The following CFDP1 variants were observed in gnomAD, a reference collection of about 807,000 sequenced individuals.
The protein encoded by CFDP1 is chromatin remodeling protein CFDP1, also known as heterochromatin-stabilizing protein CFDP1.
CFDP1 carries 31 observed loss-of-function variants against 40.1 expected under a neutral mutation model. That is an observed-to-expected ratio of 0.77 (90% CI 0.58 to 1.04). The LOEUF is 1.04. Among genes scored for constraint, CFDP1 ranks in the 50% least tolerant of loss-of-function variants. The pLI, the probability that CFDP1 is intolerant of heterozygous loss-of-function variation, is 0.00. For missense variants in CFDP1, 423 were observed against 343.4 expected (o/e 1.23, Z -1.83); for synonymous variants, 167 against 120.0 (o/e 1.39, Z -2.56).
At chr16:75,343,070 T>A (rs1033627795) in intron 5 of CFDP1, among the ~76,000 whole-genome samples, 2 of 152,002 alleles carry the variant, frequency 1.3e-5, no homozygotes, top group African/African-American at 4.8e-5. Context: ...ACAACTAGAT[T>A]TAAGGTCAGG....
At chr16:75,384,854 ATATATATATATATATATATAT>A (rs2078880281) in intron 5 of CFDP1, among the ~76,000 whole-genome samples, 8 of 124,860 alleles carry the variant, frequency 6.4e-5, no homozygotes, top group South Asian at 2.4e-4. Flanking sequence ...AACTAAAACT[ATATATATATATATATATATAT>A]ATATATATAT....
At chr16:75,394,146 G>A (rs371725658) in intron 5 of CFDP1, among the ~76,000 whole-genome samples, 1 of 152,146 alleles carries the variant, frequency 6.6e-6, no homozygotes, top group African/African-American at 2.4e-5. Flanking sequence ...CTGACTGAAG[G>A]GCCACAGAAG....
chr16:75,407,429 C>G lies in CFDP1; in HGVS notation c.530+4396G>C, dbSNP rs565255978. 2.6e-4 allele frequency among the ~76,000 whole-genome samples: 39 copies of G among 152,090 alleles called. 2 individuals are homozygous for G. The highest frequency in any genetic ancestry group is 9.2e-4 in the African/African-American group (38 of 41,514). ...TGGTGGCTCATACTTGTAATCCCAG[C>G]ACTTTGGTGGGCCAAGGCAGCAGGA... is the stretch of plus-strand genomic sequence containing the variant. On this transcript the variant is annotated intron_variant, in intron 4 of 6. Coordinates refer to ENST00000283882, the MANE Select transcript of CFDP1 (RefSeq NM_006324.3).
intron 5 of CFDP1, among the ~76,000 whole-genome samples, chr16:75,359,035 T>C (rs1031678508): frequency 2.0e-5 from 3 of 152,214 alleles, no homozygotes; most frequent in Non-Finnish European, 4.4e-5. Context: ...GCTAGTAAAA[T>C]ACTCCTTCCT....
chr16:75,338,457 G>A (rs1275284389), intron 5 of CFDP1, among the ~76,000 whole-genome samples: 1 of 152,192 alleles, frequency 6.6e-6, no homozygotes, highest in Non-Finnish European at 1.5e-5. Flanking sequence ...GAGTACAGAT[G>A]AGCATCTTAA....
intron 4 of CFDP1, among the ~76,000 whole-genome samples, chr16:75,398,908 T>G (rs546829645): frequency 1.3e-5 from 2 of 151,688 alleles, no homozygotes; most frequent in African/African-American, 2.4e-5. Context: ...ACAAAAAAAA[T>G]TAGCCAGGCA....
chr16:75,311,012 C>T (rs1469696930), intron 5 of CFDP1, among the ~76,000 whole-genome samples: 6 of 152,160 alleles, frequency 3.9e-5, no homozygotes, highest in Admixed American at 2.0e-4. Flanking sequence ...GCTTAATTTT[C>T]GGCTTCAAAA....
At chr16:75,411,297 C>A (rs774835328) in intron 4 of CFDP1, among the ~76,000 whole-genome samples, 18 of 151,638 alleles carry the variant, frequency 1.2e-4, no homozygotes, top group Non-Finnish European at 2.4e-4. Flanking sequence ...CCCAGCTACT[C>A]GGGAGGCTGA....
intron 5 of CFDP1, among the ~76,000 whole-genome samples, chr16:75,323,649 C>T (rs1352562089): frequency 7.2e-5 from 11 of 151,904 alleles, no homozygotes; most frequent in Non-Finnish European, 1.5e-4. Context: ...CCTGGTGGAG[C>T]GTGCCTGTAA....
In CFDP1 at chr16:75,347,359, A is replaced by AAAAAAGAAAAAG. The variant is rs796632491; in HGVS notation, c.651-42189_651-42178dup. Among the ~76,000 whole-genome samples, 133 of 53,670 alleles carry AAAAAAGAAAAAG rather than the reference A, an allele frequency of 2.5e-3. 3 individuals carry two copies. The highest frequency in any genetic ancestry group is 0.016 in the Middle Eastern group (1 of 64). 35.2% of individuals were successfully genotyped at this position (53,670 alleles called of 152,430 possible). On this transcript the variant is annotated intron_variant, in intron 5 of 6. Transcript: ENST00000283882. The stretch of plus-strand genomic sequence containing the variant: ...ACTCCATCTCAAAAAAAAAAAAAAA[A>AAAAAAGAAAAAG]AAAAAGAAAAAGAAAAAGAAAAAGA...
chr16:75,378,459 G>T (rs1005406385), intron 5 of CFDP1, among the ~76,000 whole-genome samples: 1 of 152,030 alleles, frequency 6.6e-6, no homozygotes, highest in African/African-American at 2.4e-5. Flanking sequence ...AAAAGGATAA[G>T]AACTAAATTT....
chr16:75,297,343 G>A (rs540407038), intron 6 of CFDP1, among the ~76,000 whole-genome samples: 44 of 152,176 alleles, frequency 2.9e-4, no homozygotes, highest in African/African-American at 1.1e-3. Context: ...CTTCTGACTT[G>A]ACTTTACCTC....
chr16:75,423,046 C>T (rs942036011), intron 1 of CFDP1, among the ~76,000 whole-genome samples: 2 of 151,796 alleles, frequency 1.3e-5, no homozygotes, highest in East Asian at 2.0e-4. Flanking sequence ...TTTGGGAGGC[C>T]GAGGTGGGCG....
chr16:75,426,914 G>A (rs572693399), intron 1 of CFDP1, among the ~76,000 whole-genome samples: 2 of 151,860 alleles, frequency 1.3e-5, no homozygotes, highest in African/African-American at 4.8e-5. Flanking sequence ...AATTAGCTGG[G>A]TGTGGTGGCG....
intron 1 of CFDP1, among the ~76,000 whole-genome samples, chr16:75,428,131 G>GT (rs35270132): frequency 1.3e-3 from 187 of 142,588 alleles, no homozygotes; most frequent in African/African-American, 1.9e-3. Context: ...GGGGAAATTT[G>GT]TTTTTTTTTT....
chr16:75,316,569 TAAAAAAAAAAAAAAAAAAA>T (rs780200659), intron 5 of CFDP1, among the ~76,000 whole-genome samples: 1 of 26,580 alleles, frequency 3.8e-5, no homozygotes, highest in Non-Finnish European at 7.9e-5. Flanking sequence ...AGACCCTGTC[TAAAAAAAAAAAAAAAAAAA>T]AAAAAAAGTC....
At position 75,427,058 on chromosome 16, in the gene CFDP1, A is replaced by AG. The variant is rs557090853; in HGVS notation, c.64+6230_64+6231insC. Reference sequence around the variant, plus strand: ...GGACAGCGAGACTGTCTCAAAAAAAAAAAAACAAAACAAATATCTGACAAA... The same window carrying AG: ...GGACAGCGAGACTGTCTCAAAAAAAAGAAAAACAAAACAAATATCTGACAAA... On this transcript the variant is annotated intron_variant, in intron 1 of 6. Transcript: ENST00000283882. Among the ~76,000 whole-genome samples the AG allele has an allele frequency of 1.1e-4, 16 of 152,068 alleles. No individual in the cohort carries two copies. In the South Asian group the frequency reaches 3.1e-3, roughly 30 times the overall value.
At chr16:75,392,801 C>T (rs1367106981) in intron 5 of CFDP1, among the ~76,000 whole-genome samples, 3 of 152,212 alleles carry the variant, frequency 2.0e-5, no homozygotes, top group Admixed American at 2.0e-4. Context: ...AAAGTACTTG[C>T]TTAGAGTATT....
At chr16:75,369,773 G>C (rs116254125) in intron 5 of CFDP1, among the ~76,000 whole-genome samples, 2 of 152,044 alleles carry the variant, frequency 1.3e-5, no homozygotes, top group South Asian at 2.1e-4. Flanking sequence ...TTGTTTATGA[G>C]ACAGAGTCTC....
Sources: gnomAD v4.1 joint callset for allele counts (sites outside exome capture counted in the v4.1 genomes callset) on GRCh38, gnomAD v4.1.1 for gene constraint, MANE v1.5 for transcripts, NCBI Gene and HGNC (gene_info 2026-07-23, HGNC 2026-07-21) for gene names.